Variants in RLF observed in about 807,000 individuals in gnomAD.
RLF encodes the protein zinc finger protein Rlf.
In RLF, 7 loss-of-function variants were observed where a neutral mutation model predicts 162.9. The observed-to-expected ratio is 0.04, with a 90% confidence interval of 0.02 to 0.08. The LOEUF is 0.08. Among genes scored for constraint, RLF ranks in the 10% least tolerant of loss-of-function variants. The pLI is 1.00. For synonymous variants in RLF, 782 were observed against 791.5 expected, an observed-to-expected ratio of 0.99 and a Z score of 0.20; for missense variants, 1,664 against 2,244.7, an observed-to-expected ratio of 0.74 and a Z score of 5.23.
At chr1:40,226,137 A>G (rs372132049) in intron 6 of RLF, among the ~76,000 whole-genome samples, 6 of 152,340 alleles carry the variant, frequency 3.9e-5, no homozygotes, top group African/African-American at 1.4e-4. Flanking sequence ...AGACATTTAC[A>G]AACCACAGTA....
chr1:40,182,887 A>G (rs935449895), intron 1 of RLF, among the ~76,000 whole-genome samples: 4 of 152,066 alleles, frequency 2.6e-5, no homozygotes, highest in African/African-American at 9.7e-5. Flanking sequence ...TATGTTAAAG[A>G]CTTAGGGGGT....
rs552060674 is a variant in RLF, at chr1:40,207,029, T to G, written c.810+4415T>G. Among the ~76,000 whole-genome samples, 7 of 152,354 alleles carry G rather than the reference T, an allele frequency of 4.6e-5. No individual in the cohort carries two copies. In the East Asian group the frequency reaches 1.3e-3, roughly 29 times the overall value. On this transcript the variant is annotated intron_variant, in intron 5 of 7. Transcript: ENST00000372771. ...TAAAATGACCCCTATCACTTTGTCT[T>G]TCTGCCTATTTGTATTTTCTTCATA...
chr1:40,215,544 GAAAA>G (rs766144410), intron 5 of RLF, among the ~76,000 whole-genome samples: 55 of 150,682 alleles, frequency 3.7e-4, no homozygotes, highest in African/African-American at 1.3e-3. Context: ...ATGGATTAAA[GAAAA>G]AAAAAGAAAT....
intron 4 of RLF, among the ~76,000 whole-genome samples, chr1:40,196,432 T>TTA (rs951907017): frequency 1.2e-3 from 188 of 152,180 alleles, no homozygotes; most frequent in African/African-American, 4.3e-3. Context: ...TTTTTTTATT[T>TTA]TATATATATG....
intron 1 of RLF, among the ~76,000 whole-genome samples, chr1:40,171,010 TTTTG>T (rs138268620): frequency 0.058 from 8,709 of 151,366 alleles, 724 homozygotes; most frequent in African/African-American, 0.19. Flanking sequence ...TTGATAGTGT[TTTTG>T]TTTGTTTGTT....
At chr1:40,185,432 G>T (rs2124532996) in intron 1 of RLF, among the ~76,000 whole-genome samples, 1 of 128,410 alleles carries the variant, frequency 7.8e-6, no homozygotes, top group East Asian at 2.6e-4. Flanking sequence ...GCCTAGTCCA[G>T]TTTTTTAAAT....
At chr1:40,206,428 G>A (rs1642795962) in intron 5 of RLF, among the ~76,000 whole-genome samples, 1 of 152,120 alleles carries the variant, frequency 6.6e-6, no homozygotes, top group Non-Finnish European at 1.5e-5. Context: ...ATCCTTGTTG[G>A]TATTTACCTT....
intron 1 of RLF, among the ~76,000 whole-genome samples, chr1:40,184,729 C>T (rs1642449745): frequency 6.6e-6 from 1 of 152,064 alleles, no homozygotes; most frequent in African/African-American, 2.4e-5. Flanking sequence ...ATATCTGACC[C>T]CTTAGTATAT....
chr1:40,240,110 A>T lies in RLF; in HGVS notation c.5408A>T (p.Gln1803Leu). ...SEHLTLSNSS[Q>L]SSNDLTGNVV... ...CACTTAACATTAAGTAATTCTTCAC[A>T]GTCCAGTAATGATTTAACAGGGAAT... The change falls in exon 8 of 8, where the codon CAG becomes CTG. Residue 1803 changes from glutamine (Q) to leucine (L), a missense_variant. Around this residue, in one of 15 missense-constraint regions of RLF, gnomAD observed 327 missense variants for 342.7 expected, o/e 0.95. Coordinates refer to ENST00000372771, the MANE Select transcript of RLF (RefSeq NM_012421.4). 2 of 1,614,200 alleles carry T rather than the reference A, an allele frequency of 1.2e-6. No homozygotes were observed. Among genetic ancestry groups the T allele is most frequent in the African/African-American group, 2.7e-5 (2 of 75,078 alleles).
chr1:40,177,819 T>A (rs903802173), intron 1 of RLF: 1 of 152,076 alleles, frequency 6.6e-6, no homozygotes, highest in Non-Finnish European at 1.5e-5. Context: ...TATAGGTATA[T>A]CTAAACTTTA....
chr1:40,236,675 G>A lies in RLF; in HGVS notation c.1973G>A (p.Ser658Asn). The change falls in exon 8 of 8, where the codon AGC becomes AAC. Residue 658 changes from serine to asparagine, a missense_variant. Ser to Asn is a conservative substitution (Grantham distance 46, BLOSUM62 1). Around this residue, in one of 15 missense-constraint regions of RLF, gnomAD observed 69 missense variants for 206.4 expected, o/e 0.33. Coordinates refer to ENST00000372771, the MANE Select transcript of RLF (RefSeq NM_012421.4). The surrounding 1 kb of genome is among the most constrained non-coding windows in gnomAD (Gnocchi z 7.7). ...KGESHEYVTF[S>N]KLEDCHLQDR... is the part of the protein sequence containing the mutation. ...GAGTCTCATGAATATGTCACATTCAGCAAATTAGAAGATTGCCACCTGCAA... is the reference window on the plus strand; with the variant it reads ...GAGTCTCATGAATATGTCACATTCAACAAATTAGAAGATTGCCACCTGCAA... 6.2e-7 allele frequency: 1 copy of A among 1,614,036 alleles called. No individual in the cohort carries two copies. The highest frequency in any genetic ancestry group is 2.2e-5 in the East Asian group (1 of 44,880).
intron 3 of RLF, among the ~76,000 whole-genome samples, chr1:40,194,599 C>T (rs1292192761): frequency 6.7e-6 from 1 of 149,240 alleles, no homozygotes; most frequent in Admixed American, 6.7e-5. Flanking sequence ...AAAAAAAAAA[C>T]CAACAAAACA....
intron 7 of RLF, among the ~76,000 whole-genome samples, chr1:40,233,732 A>C (rs190418384): frequency 7.9e-5 from 12 of 152,374 alleles, no homozygotes; most frequent in Middle Eastern, 3.4e-3. Context: ...CTTTCAAAAA[A>C]GCTAGAGTCT....
Position 40,238,562 on chromosome 1 carries a change from G to A in RLF, c.3860G>A (p.Gly1287Asp). ...AGAGAAGAACAAGAAGGAAGAGAGG[G>A]CAGAGGTAGCAGGCGAACTGTTGCT... ...SHREEQEGRE[G>D]RGSRRTVAKG... Residue 1287 changes from glycine (G) to aspartate (D), a missense_variant, in exon 8 of 8, where the codon GGC becomes GAC. By Grantham distance (94) the Gly-to-Asp change is moderately conservative (BLOSUM62 -1). Coordinates refer to ENST00000372771, the MANE Select transcript of RLF (RefSeq NM_012421.4). The surrounding 1 kb of genome is among the most constrained non-coding windows in gnomAD (Gnocchi z 5.2). The A allele has an allele frequency of 6.2e-7, 1 of 1,613,776 alleles. No homozygotes were observed. Among genetic ancestry groups the A allele is most frequent in the Non-Finnish European group, 8.5e-7 (1 of 1,179,986 alleles).
chr1:40,194,807 GTTATTTATTTATTTATTTATTTAT>G (rs56209515), intron 3 of RLF, among the ~76,000 whole-genome samples: 1 of 144,056 alleles, frequency 6.9e-6, no homozygotes, highest in African/African-American at 2.6e-5. Flanking sequence ...AAACATCCTA[GTTATTTATTTATTTATTTATTTAT>G]TTATTTATTT....
chr1:40,178,208 C>T (rs752871440), intron 1 of RLF, among the ~76,000 whole-genome samples: 1 of 152,156 alleles, frequency 6.6e-6, no homozygotes, highest in South Asian at 2.1e-4. Flanking sequence ...ATTGCCTTTG[C>T]ACCTTATTGA....
chr1:40,238,320 A>G lies in RLF; in HGVS notation c.3618A>G (p.Leu1206=), dbSNP rs764897298. ...GCAGTGACAGAGCAACTCACAAACT[A>G]TTAGATAATGAAAAGTGTGATCATG... ...QIGSDRATHK[L]LDNEKCDHEG... The change falls in exon 8 of 8, where the codon CTA becomes CTG. Residue 1206 remains leucine, a synonymous_variant. Coordinates refer to ENST00000372771, the MANE Select transcript of RLF (RefSeq NM_012421.4). The surrounding 1 kb of genome is among the most constrained non-coding windows in gnomAD (Gnocchi z 5.2). The G allele has an allele frequency of 3.7e-6, 6 of 1,614,044 alleles. No homozygotes were observed. In the African/African-American group the frequency reaches 8.0e-5, roughly 22 times the overall value.
intron 5 of RLF, among the ~76,000 whole-genome samples, chr1:40,215,734 A>G (rs2124549860): frequency 6.6e-6 from 1 of 152,190 alleles, no homozygotes; most frequent in East Asian, 1.9e-4. Context: ...GGCATGAGCC[A>G]CCATGCCCAG....
chr1:40,202,133 A>C (rs989917794), intron 4 of RLF, among the ~76,000 whole-genome samples: 2 of 152,218 alleles, frequency 1.3e-5, no homozygotes, highest in African/African-American at 2.4e-5. Context: ...TATGCAGCTT[A>C]AAACTTGATG....
Sources: gnomAD v4.1 joint callset for allele counts (sites outside exome capture counted in the v4.1 genomes callset) on GRCh38, gnomAD v4.1.1 for gene constraint, gnomAD v4.1.1 regional missense constraint, Gnocchi (gnomAD v3.1) non-coding constraint, MANE v1.5 for transcripts, NCBI Gene and HGNC (gene_info 2026-07-23, HGNC 2026-07-21) for gene names.